Variants in GCSAML observed in about 807,000 individuals in gnomAD.
The protein encoded by GCSAML is germinal center associated signaling and motility like.
A neutral mutation model predicts 13.0 loss-of-function variants in GCSAML; 9 were observed. That is an observed-to-expected ratio of 0.69 (90% CI 0.42 to 1.21). The LOEUF is 1.21. Among genes scored for constraint, GCSAML ranks in the 50% most tolerant of loss-of-function variants. The probability of loss-of-function intolerance (pLI) is 0.00; values close to 1 mark genes in which losing one functional copy is unlikely to be tolerated. For missense variants in GCSAML, 143 were observed against 153.4 expected, an observed-to-expected ratio of 0.93 and a Z score of 0.36; for synonymous variants, 37 against 52.9, an observed-to-expected ratio of 0.70 and a Z score of 1.31.
chr1:247,523,231 G>A (rs1666522908), intron 1 of GCSAML, among the ~76,000 whole-genome samples: 2 of 152,110 alleles, frequency 1.3e-5, no homozygotes, highest in South Asian at 4.1e-4. Context: ...TAATAATCAA[G>A]TAATAATCAA....
intron 4 of GCSAML, among the ~76,000 whole-genome samples, chr1:247,572,283 C>A (rs947069027): frequency 6.6e-6 from 1 of 152,084 alleles, no homozygotes; most frequent in South Asian, 2.1e-4. Context: ...AAGAGGCATT[C>A]TGGTATTTGG....
chr1:247,530,976 C>T (rs12045489), intron 2 of GCSAML: 1 of 153,352 alleles, frequency 6.5e-6, no homozygotes, highest in Non-Finnish European at 1.5e-5. Context: ...CCGCGGCCGG[C>T]GGGGTCCAGG....
chr1:247,509,576 T>C (rs936850037), intron 1 of GCSAML, among the ~76,000 whole-genome samples: 3 of 152,226 alleles, frequency 2.0e-5, no homozygotes, highest in Non-Finnish European at 4.4e-5. Flanking sequence ...CCTTGTCTTG[T>C]GCTGGTTTTC....
Position 247,571,236 on chromosome 1 carries a change from T to G in GCSAML, c.169-2907T>G, listed in dbSNP as rs145010647. 9.2e-3 allele frequency among the ~76,000 whole-genome samples: 1,396 copies of G among 152,354 alleles called. 23 individuals are homozygous for G. The highest frequency in any genetic ancestry group is 0.032 in the African/African-American group (1,334 of 41,574). On this transcript the variant is annotated intron_variant, in intron 4 of 4. Transcript: ENST00000366488. ...ATATTGTTATGTGTGAATTTGATCC[T>G]GTCCTTATGATGCTAGCTGGTTATT...
chr1:247,516,553 G>GTT (rs10710175), intron 1 of GCSAML, among the ~76,000 whole-genome samples: 2 of 135,990 alleles, frequency 1.5e-5, no homozygotes, highest in African/African-American at 2.8e-5. Flanking sequence ...CATGTTGACT[G>GTT]TTTTTTTTTT....
In GCSAML at chr1:247,575,439, A is replaced by G. The variant is rs1668796044; in HGVS notation, c.*1057A>G. 6.6e-6 allele frequency: 1 copy of G among 152,200 alleles called. No homozygotes were observed. Among genetic ancestry groups the G allele is most frequent in the Admixed American group, 6.5e-5 (1 of 15,272 alleles). 9.4% of individuals were successfully genotyped at this position (152,200 alleles called of 1,614,324 possible). ...CATCCAATTACCTATTTCATCTTTGAGGTGTAATCTACTCAATAAACTGTG... is the reference window on the plus strand; with the variant it reads ...CATCCAATTACCTATTTCATCTTTGGGGTGTAATCTACTCAATAAACTGTG... On this transcript the variant is annotated 3_prime_UTR_variant, in exon 5 of 5. Transcript: ENST00000366488.
chr1:247,570,755 A>G (rs893856688), intron 4 of GCSAML, among the ~76,000 whole-genome samples: 8 of 152,038 alleles, frequency 5.3e-5, no homozygotes, highest in Non-Finnish European at 1.0e-4. Flanking sequence ...TCAAGTCCTG[A>G]ATATCCTTGT....
At chr1:247,557,503 C>G (rs893790176) in intron 2 of GCSAML, among the ~76,000 whole-genome samples, 1 of 152,164 alleles carries the variant, frequency 6.6e-6, no homozygotes, top group Non-Finnish European at 1.5e-5. Context: ...CATTTCATCT[C>G]AATGTCTTGG....
intron 2 of GCSAML, among the ~76,000 whole-genome samples, chr1:247,534,957 C>T (rs563395364): frequency 6.6e-6 from 1 of 152,134 alleles, no homozygotes; most frequent in South Asian, 2.1e-4. Flanking sequence ...TATAGTAGGC[C>T]AGGGAAGCAT....
intron 1 of GCSAML, among the ~76,000 whole-genome samples, chr1:247,521,999 C>G (rs1489314472): frequency 6.6e-6 from 1 of 151,860 alleles, no homozygotes; most frequent in African/African-American, 2.4e-5. Flanking sequence ...GCTGCCCCGT[C>G]TGGGATGTGA....
intron 1 of GCSAML, chr1:247,524,683 G>A (rs1255408681): frequency 6.6e-6 from 1 of 152,020 alleles, no homozygotes; most frequent in East Asian, 1.9e-4. Context: ...AAGGCATAAA[G>A]GCATGATTGA....
intron 1 of GCSAML, among the ~76,000 whole-genome samples, chr1:247,514,792 G>A (rs780503282): frequency 1.3e-5 from 2 of 152,088 alleles, no homozygotes; most frequent in Non-Finnish European, 2.9e-5. Context: ...TTTAATTACG[G>A]TTTCTTTATT....
chr1:247,550,354 G>A (rs1354538498), intron 1 of GCSAML, among the ~76,000 whole-genome samples: 6 of 152,064 alleles, frequency 3.9e-5, no homozygotes, highest in Non-Finnish European at 8.8e-5. Flanking sequence ...GAGCTTAAGG[G>A]TGGCTGGGCA....
rs868095284 is a variant in GCSAML, at chr1:247,531,959, T to C, written c.-148+4905T>C. On this transcript the variant is annotated intron_variant, in intron 2 of 5. Transcript: ENST00000366489. Reference sequence around the variant, plus strand: ...GTATCCACACAAGCCAGTTGCATAATGAGGGGCATCTCGCAAAAGAAGTGG... The same window carrying C: ...GTATCCACACAAGCCAGTTGCATAACGAGGGGCATCTCGCAAAAGAAGTGG... The C allele has an allele frequency of 9.3e-6, 15 of 1,613,976 alleles. No individual in the cohort carries two copies. The African/African-American group carries it at 1.6e-4, about 17-fold the overall frequency.
intron 1 of GCSAML, among the ~76,000 whole-genome samples, chr1:247,514,014 C>T (rs1296271101): frequency 6.6e-6 from 1 of 151,980 alleles, no homozygotes; most frequent in Non-Finnish European, 1.5e-5. Flanking sequence ...TGGAGTCTTG[C>T]TCTGTCGCCA....
intron 4 of GCSAML, among the ~76,000 whole-genome samples, chr1:247,570,138 A>G (rs1668543221): frequency 1.3e-5 from 2 of 151,930 alleles, no homozygotes; most frequent in Non-Finnish European, 2.9e-5. Flanking sequence ...CTGTTTTGTT[A>G]ATCTTTTCAA....
At chr1:247,508,675 A>G (rs1665912040) in intron 1 of GCSAML, among the ~76,000 whole-genome samples, 1 of 151,996 alleles carries the variant, frequency 6.6e-6, no homozygotes, top group Non-Finnish European at 1.5e-5. Flanking sequence ...ATCCATCTTG[A>G]GTTAATTTTT....
At chr1:247,570,164 G>A (rs183351041) in intron 4 of GCSAML, among the ~76,000 whole-genome samples, 1 of 152,184 alleles carries the variant, frequency 6.6e-6, no homozygotes, top group African/African-American at 2.4e-5. Context: ...CCAGCTCCTG[G>A]ATTTATTGAT....
At chr1:247,571,364 T>C (rs1199321219) in intron 4 of GCSAML, among the ~76,000 whole-genome samples, 4 of 152,220 alleles carry the variant, frequency 2.6e-5, no homozygotes, top group Admixed American at 1.3e-4. Context: ...TATTTAGTGC[T>C]TCCTTCAGGA....
Sources: allele counts gnomAD v4.1 joint callset (sites outside exome capture counted in the v4.1 genomes callset), GRCh38; gene constraint gnomAD v4.1.1; transcripts MANE v1.5; gene names NCBI Gene and HGNC (gene_info 2026-07-23, HGNC 2026-07-21).